The following KLF12 variants were observed in gnomAD, a reference collection of about 807,000 sequenced individuals.
The protein encoded by KLF12 is KLF transcription factor 12.
KLF12 carries 9 observed loss-of-function variants against 37.8 expected under a neutral mutation model. That is an observed-to-expected ratio of 0.24 (90% confidence interval 0.14 to 0.42). The LOEUF (loss-of-function observed/expected upper bound fraction) is 0.42, where lower values mean the gene tolerates loss of function less well. Ranked by LOEUF, KLF12 falls within the 10% of genes least tolerant of loss-of-function variation. KLF12 has a pLI of 1.00. For synonymous variants in KLF12, 208 were observed against 202.1 expected (o/e 1.03, Z -0.25); for missense variants, 411 against 516.0 (o/e 0.80, Z 1.97).
intron 6 of KLF12, among the ~76,000 whole-genome samples, chr13:73,728,705 T>C (rs1876845501): frequency 6.6e-6 from 1 of 152,240 alleles, no homozygotes; most frequent in African/African-American, 2.4e-5. Flanking sequence ...TAATGTGGTG[T>C]ATTACATTGA....
At chr13:73,759,459 T>C (rs1384086624) in intron 6 of KLF12, among the ~76,000 whole-genome samples, 2 of 152,318 alleles carry the variant, frequency 1.3e-5, no homozygotes, top group East Asian at 3.9e-4. Context: ...AAGTGCCACA[T>C]ACTGGTGTGA....
At chr13:74,147,401 A>G in the KLF12 span, among the ~76,000 whole-genome samples, 1 of 152,214 alleles carries the variant, frequency 6.6e-6, no homozygotes, top group African/African-American at 2.4e-5. Context: ...GATGTTAAAC[A>G]TCTTTCTTCA....
At chr13:74,150,579 C>T in the KLF12 span, among the ~76,000 whole-genome samples, 1 of 152,228 alleles carries the variant, frequency 6.6e-6, no homozygotes, top group African/African-American at 2.4e-5. Flanking sequence ...ATCTTAGCAA[C>T]ATCAACAAAC....
intron 3 of KLF12, among the ~76,000 whole-genome samples, chr13:73,943,633 A>G (rs796839489): frequency 6.6e-6 from 1 of 152,198 alleles, no homozygotes; most frequent in Non-Finnish European, 1.5e-5. Flanking sequence ...CAACCAAACT[A>G]TGATGACACT....
At chr13:73,729,302 G>A (rs1410051390) in intron 6 of KLF12, among the ~76,000 whole-genome samples, 2 of 152,192 alleles carry the variant, frequency 1.3e-5, no homozygotes, top group African/African-American at 2.4e-5. Flanking sequence ...CAGGATCTGA[G>A]CATATTGCTA....
chr13:73,878,304 A>G (rs1424972078), intron 3 of KLF12, among the ~76,000 whole-genome samples: 1 of 152,228 alleles, frequency 6.6e-6, no homozygotes, highest in Non-Finnish European at 1.5e-5. Flanking sequence ...GCTAATAAAA[A>G]GGGAAAAACC....
At chr13:73,905,684 C>A (rs567401765) in intron 3 of KLF12, among the ~76,000 whole-genome samples, 33 of 151,838 alleles carry the variant, frequency 2.2e-4, no homozygotes, top group Non-Finnish European at 4.6e-4. Context: ...TGAAATACTG[C>A]ACTGAAAATA....
chr13:74,100,131 A>G (rs1677469054), intron 1 of KLF12, among the ~76,000 whole-genome samples: 1 of 152,128 alleles, frequency 6.6e-6, no homozygotes, highest in Non-Finnish European at 1.5e-5. Context: ...AAGGAAGAGG[A>G]GATGGTAACA....
At chr13:73,951,109 C>CA (rs1367073596) in intron 2 of KLF12, among the ~76,000 whole-genome samples, 21 of 152,224 alleles carry the variant, frequency 1.4e-4, no homozygotes, top group African/African-American at 4.6e-4. Context: ...AATATCCTCA[C>CA]AAGTTTCCCT....
intron 2 of KLF12, among the ~76,000 whole-genome samples, chr13:73,960,544 TAAA>T (rs1890992206): frequency 6.6e-6 from 1 of 152,164 alleles, no homozygotes; most frequent in Non-Finnish European, 1.5e-5. Flanking sequence ...TTAGCAATCA[TAAA>T]GTGTAAAAGA....
intron 3 of KLF12, among the ~76,000 whole-genome samples, chr13:73,884,573 A>G (rs1387073320): frequency 6.6e-6 from 1 of 152,240 alleles, no homozygotes; most frequent in Non-Finnish European, 1.5e-5. Context: ...GGATGTGCCC[A>G]TTCAGGGCCT....
chr13:74,066,134 G>A (rs753413866), intron 1 of KLF12, among the ~76,000 whole-genome samples: 1 of 152,086 alleles, frequency 6.6e-6, no homozygotes, highest in Non-Finnish European at 1.5e-5. Context: ...CCGTGGACCT[G>A]CAGGCAACAC....
the KLF12 span, among the ~76,000 whole-genome samples, chr13:74,280,354 C>T: frequency 6.6e-6 from 1 of 152,106 alleles, no homozygotes; most frequent in African/African-American, 2.4e-5. Flanking sequence ...TACAGAAGTC[C>T]CTGAAACCAC....
chr13:73,792,879 G>A (rs943236773), intron 5 of KLF12, among the ~76,000 whole-genome samples: 2 of 152,018 alleles, frequency 1.3e-5, no homozygotes, highest in African/African-American at 2.4e-5. Flanking sequence ...ACATTACTGC[G>A]GCTGTACATG....
At chr13:74,083,969 G>A (rs955685046) in intron 1 of KLF12, among the ~76,000 whole-genome samples, 3 of 152,108 alleles carry the variant, frequency 2.0e-5, no homozygotes, top group African/African-American at 7.2e-5. Context: ...AGTGAGATAG[G>A]GAATGGCAGA....
intron 3 of KLF12, among the ~76,000 whole-genome samples, chr13:73,880,437 GGT>G (rs1216297184): frequency 6.6e-6 from 1 of 152,164 alleles, no homozygotes; most frequent in African/African-American, 2.4e-5. Context: ...TAAGCGTAGG[GGT>G]GAAAACTGTA....
At chr13:73,926,925 C>T (rs779123302) in intron 3 of KLF12, among the ~76,000 whole-genome samples, 7 of 129,852 alleles carry the variant, frequency 5.4e-5, no homozygotes, top group Non-Finnish European at 1.2e-4. Flanking sequence ...CACTCAACTC[C>T]GTGTCTCCTT....
chr13:74,252,955 A>G, the KLF12 span, among the ~76,000 whole-genome samples: 1 of 151,958 alleles, frequency 6.6e-6, no homozygotes, highest in Non-Finnish European at 1.5e-5. Flanking sequence ...CTTGGAATCC[A>G]TCTATTATCT....
At chr13:73,890,355 C>T (rs1489474576) in intron 3 of KLF12, among the ~76,000 whole-genome samples, 1 of 151,976 alleles carries the variant, frequency 6.6e-6, no homozygotes, top group Non-Finnish European at 1.5e-5. Context: ...ACTAGAAACC[C>T]CACTCTTCCC....
Sources: gnomAD v4.1 joint callset for allele counts (sites outside exome capture counted in the v4.1 genomes callset) on GRCh38, gnomAD v4.1.1 for gene constraint, MANE v1.5 for transcripts, NCBI Gene and HGNC (gene_info 2026-07-23, HGNC 2026-07-21) for gene names.